The following PPP4R2 variants were observed in gnomAD, a reference collection of about 807,000 sequenced individuals.
The protein encoded by PPP4R2 is protein phosphatase 4 regulatory subunit 2.
A neutral mutation model predicts 47.2 loss-of-function variants in PPP4R2; 13 were observed. The ratio of observed to expected loss-of-function variants is 0.28; its 90% CI spans 0.18 to 0.44. The LOEUF is 0.44. Ranked by LOEUF, PPP4R2 falls within the 20% of genes least tolerant of loss-of-function variation. The pLI, the probability that PPP4R2 is intolerant of heterozygous loss-of-function variation, is 1.00. For synonymous variants in PPP4R2, 151 were observed against 163.3 expected (o/e 0.92, Z 0.57); for missense variants, 421 against 491.2 (o/e 0.86, Z 1.35).
intron 2 of PPP4R2, among the ~76,000 whole-genome samples, chr3:73,036,601 G>A (rs558678351): frequency 3.3e-5 from 5 of 152,250 alleles, no homozygotes; most frequent in East Asian, 1.9e-4. Context: ...ATTTAGTAGC[G>A]TTGACATGTT....
At chr3:73,029,036 C>T (rs1217975199) in intron 2 of PPP4R2, among the ~76,000 whole-genome samples, 1 of 152,204 alleles carries the variant, frequency 6.6e-6, no homozygotes, top group African/African-American at 2.4e-5. Context: ...GCCTCGAACT[C>T]CTGGGCTCAA....
chr3:73,032,854 T>C (rs1328598617), intron 2 of PPP4R2, among the ~76,000 whole-genome samples: 1 of 152,228 alleles, frequency 6.6e-6, no homozygotes, highest in East Asian at 1.9e-4. Context: ...TTTAATTTTC[T>C]GTATGCTTAT....
chr3:73,040,180 A>T (rs949483008), intron 2 of PPP4R2, among the ~76,000 whole-genome samples: 2 of 152,200 alleles, frequency 1.3e-5, no homozygotes, highest in Non-Finnish European at 2.9e-5. Flanking sequence ...ATTCCATTTC[A>T]CTAGCAATGA....
chr3:73,019,054 C>T (rs9854306), intron 2 of PPP4R2, among the ~76,000 whole-genome samples: 58,589 of 151,982 alleles, frequency 0.39, 11,726 homozygotes, highest in African/African-American at 0.44. Context: ...TTTTAGTCAT[C>T]GATGGACCAC....
At chr3:73,037,959 A>G (rs367595580) in intron 2 of PPP4R2, among the ~76,000 whole-genome samples, 5 of 152,326 alleles carry the variant, frequency 3.3e-5, no homozygotes, top group Non-Finnish European at 5.9e-5. Flanking sequence ...GGATTGTTAC[A>G]TATTTCTTCA....
At chr3:73,023,500 T>G (rs1035519834) in intron 2 of PPP4R2, among the ~76,000 whole-genome samples, 1 of 152,174 alleles carries the variant, frequency 6.6e-6, no homozygotes, top group Non-Finnish European at 1.5e-5. Flanking sequence ...TAAGATTTCT[T>G]TAATGTGCCC....
In PPP4R2 at chr3:73,063,988, T is replaced by C; in HGVS notation, c.495-15T>C. 2.5e-6 allele frequency: 4 copies of C among 1,570,920 alleles called. 1 individual carries two copies. The highest frequency in any genetic ancestry group is 4.5e-4 in the Middle Eastern group (2 of 4,414). ...TTATAAAAATAGGAAATGATGTTCA[T>C]TTATCTTATTATAGGTCTAATATAA... On this transcript the variant is annotated splice_polypyrimidine_tract_variant and intron_variant, in intron 6 of 8. Coordinates refer to ENST00000356692, the MANE Select transcript of PPP4R2 (RefSeq NM_174907.4).
Position 73,067,023 on chromosome 3 carries a change from AC to A in PPP4R2, c.*1303del, listed in dbSNP as rs1361450972. 2 of 152,116 alleles carry A rather than the reference AC, an allele frequency of 1.3e-5. No homozygotes were observed. The highest frequency in any genetic ancestry group is 2.9e-5 in the Non-Finnish European group (2 of 67,968). 9.4% of individuals were successfully genotyped at this position (152,116 alleles called of 1,614,324 possible). A position where few individuals can be genotyped will look rare whatever the true frequency, so the allele number is the denominator to read the frequency against. ...AATTTATACCTGTTTCTTCAGCTGTACCTTTTGATATTTAAAGTTTTTAAAT... is the reference window on the plus strand; with the variant it reads ...AATTTATACCTGTTTCTTCAGCTGTACTTTTGATATTTAAAGTTTTTAAAT... On this transcript the variant is annotated 3_prime_UTR_variant, in exon 9 of 9. Coordinates refer to ENST00000356692, the MANE Select transcript of PPP4R2 (RefSeq NM_174907.4).
intron 2 of PPP4R2, among the ~76,000 whole-genome samples, chr3:73,028,911 G>A (rs912386665): frequency 6.6e-6 from 1 of 152,170 alleles, no homozygotes; most frequent in Admixed American, 6.5e-5. Flanking sequence ...CACTGTAAAG[G>A]CTTTGGCCTT....
chr3:73,027,990 G>T (rs1306853738), intron 2 of PPP4R2: 1 of 148,230 alleles, frequency 6.7e-6, no homozygotes, highest in Non-Finnish European at 1.5e-5. Context: ...GCACTAGTGA[G>T]TCACGCCTCT....
chr3:73,041,767 C>T (rs1702384212), intron 2 of PPP4R2, among the ~76,000 whole-genome samples: 2 of 152,186 alleles, frequency 1.3e-5, no homozygotes, highest in Non-Finnish European at 2.9e-5. Flanking sequence ...GGAACCAGTA[C>T]GTTAAGGTGG....
intron 2 of PPP4R2, among the ~76,000 whole-genome samples, chr3:72,999,422 T>G (rs1701415247): frequency 6.6e-6 from 1 of 152,232 alleles, no homozygotes; most frequent in Non-Finnish European, 1.5e-5. Context: ...CTGCCACTAT[T>G]CCTCTTGAAT....
chr3:73,018,711 G>C (rs1261596316), intron 2 of PPP4R2, among the ~76,000 whole-genome samples: 2 of 152,026 alleles, frequency 1.3e-5, no homozygotes, highest in Non-Finnish European at 2.9e-5. Flanking sequence ...TACTGTGCTG[G>C]TGTTAAATTC....
intron 1 of PPP4R2, 33 bp from the exon 2 acceptor site, chr3:72,998,044 A>T (rs775559060): frequency 1.3e-6 from 2 of 1,498,170 alleles, no homozygotes; most frequent in South Asian, 2.3e-5. Flanking sequence ...TTTTGAGAAA[A>T]CTGATAACGT....
chr3:73,043,554 A>G (rs1279823098), intron 2 of PPP4R2, among the ~76,000 whole-genome samples: 4 of 152,168 alleles, frequency 2.6e-5, no homozygotes, highest in Admixed American at 1.3e-4. Context: ...TTACTTTCCC[A>G]CCAGTAATGT....
intron 2 of PPP4R2, among the ~76,000 whole-genome samples, chr3:73,015,660 C>T (rs1402424276): frequency 7.3e-5 from 10 of 136,738 alleles, no homozygotes; most frequent in African/African-American, 1.4e-4. Flanking sequence ...TTTTTTGAGA[C>T]GGAGTTTCGC....
chr3:73,040,803 G>A (rs1159285520), intron 2 of PPP4R2, among the ~76,000 whole-genome samples: 1 of 152,008 alleles, frequency 6.6e-6, no homozygotes, highest in Admixed American at 6.6e-5. Flanking sequence ...GTGAGCCATC[G>A]CACCCAGCCC....
At chr3:73,038,383 C>CT (rs1481557994) in intron 2 of PPP4R2, among the ~76,000 whole-genome samples, 46 of 149,856 alleles carry the variant, frequency 3.1e-4, no homozygotes, top group South Asian at 1.3e-3. Flanking sequence ...TTTGTTTTTT[C>CT]TTTTTTTTTG....
chr3:73,048,772 AG>A (rs1575877192), intron 3 of PPP4R2, among the ~76,000 whole-genome samples: 1 of 152,222 alleles, frequency 6.6e-6, no homozygotes, highest in East Asian at 1.9e-4. Flanking sequence ...TTGATTCTTT[AG>A]GTATTTAATT....
Sources: gnomAD v4.1 joint callset for allele counts (sites outside exome capture counted in the v4.1 genomes callset) on GRCh38, gnomAD v4.1.1 for gene constraint, MANE v1.5 for transcripts, NCBI Gene and HGNC (gene_info 2026-07-23, HGNC 2026-07-21) for gene names.